Variants in KCNK17 observed in about 807,000 individuals in gnomAD.
KCNK17 encodes the protein potassium channel subfamily K member 17.
In KCNK17, 27 loss-of-function variants were observed where a neutral mutation model predicts 24.6. The observed-to-expected ratio is 1.10, with a 90% CI of 0.81 to 1.51. KCNK17 has a LOEUF of 1.51. Among genes scored for constraint, KCNK17 ranks in the 40% most tolerant of loss-of-function variants. The pLI is 0.00. For synonymous variants in KCNK17, 181 were observed against 189.8 expected (o/e 0.95, Z 0.38); for missense variants, 450 against 436.6 (o/e 1.03, Z -0.27).
In KCNK17 at chr6:39,310,957, G is replaced by C. The variant is rs1762123914; in HGVS notation, c.288C>G (p.Thr96=). The C allele has an allele frequency of 1.2e-6, 2 of 1,610,216 alleles. No individual in the cohort carries two copies. The highest frequency in any genetic ancestry group is 1.7e-5 in the Admixed American group (1 of 59,728). ...KNGASLLSNT[T]SMGRWELVGS... ...CCACGAGCTCCCAGCGCCCCATGCT[G>C]GTGGTGTTGCTGAGGAGGCTGGCTC... The change falls in exon 2 of 5, where the codon ACC becomes ACG. Residue 96 remains threonine (T), a synonymous_variant. Transcript: ENST00000373231.
chr6:39,308,691 C>T (rs1762077305), intron 2 of KCNK17, among the ~76,000 whole-genome samples: 1 of 152,242 alleles, frequency 6.6e-6, no homozygotes. Context: ...TCAGGCCTGT[C>T]CTACTGGCCC....
At chr6:39,302,176 T>C (rs1013901839) in intron 4 of KCNK17, among the ~76,000 whole-genome samples, 5 of 152,128 alleles carry the variant, frequency 3.3e-5, no homozygotes, top group African/African-American at 1.2e-4. Context: ...CAAGTCTCCA[T>C]AGATGTGGTG....
chr6:39,304,623 C>CA lies in KCNK17; in HGVS notation c.384dup (p.Ala129CysfsTer46), dbSNP rs1189813604. 6.2e-7 allele frequency: 1 copy of CA among 1,613,444 alleles called. No homozygotes were observed. On this transcript the variant is annotated frameshift_variant, in exon 3 of 5. Transcript: ENST00000373231. LOFTEE classifies it high-confidence loss of function. ...GCAAAGAAGATGCAGAAGAGGCGGG[C>CA]AGCCATCGTGTTGGGGCTCAGGTTG... is the stretch of plus-strand genomic sequence containing the variant.
intron 2 of KCNK17, among the ~76,000 whole-genome samples, chr6:39,305,717 A>G (rs758671514): frequency 1.2e-4 from 18 of 152,154 alleles, no homozygotes; most frequent in Non-Finnish European, 1.6e-4. Context: ...GGGAAAGTCC[A>G]AGCTCTTGCC....
intron 2 of KCNK17, among the ~76,000 whole-genome samples, chr6:39,309,859 T>A (rs1762099897): frequency 6.6e-6 from 1 of 152,220 alleles, no homozygotes; most frequent in Non-Finnish European, 1.5e-5. Context: ...ATCCTGCCAG[T>A]CCTTCAGGGG....
Position 39,299,538 on chromosome 6 carries a change from C to T in KCNK17, c.888G>A (p.Arg296=), listed in dbSNP as rs1349327552. 16 of 1,614,004 alleles carry T rather than the reference C, an allele frequency of 9.9e-6. No homozygotes were observed. Among genetic ancestry groups the T allele is most frequent in the East Asian group, 4.5e-5 (2 of 44,894 alleles). ...GCTGTGGGGAGTGGGACTCTGGCTCCCGGTCAGGTCCCTGTCTCCAGCTTT... is the reference window on the plus strand; with the variant it reads ...GCTGTGGGGAGTGGGACTCTGGCTCTCGGTCAGGTCCCTGTCTCCAGCTTT... ...KSQSWRQGPD[R]EPESHSPQQG... is the part of the protein sequence containing the mutation. Residue 296 remains arginine (R), a synonymous_variant, in exon 5 of 5, where the codon CGG becomes CGA. Coordinates refer to ENST00000373231, the MANE Select transcript of KCNK17 (RefSeq NM_031460.4).
At position 39,310,898 on chromosome 6, in the gene KCNK17, G is replaced by A. The variant is rs761621636; in HGVS notation, c.347C>T (p.Thr116Ile). 12 of 1,598,666 alleles carry A rather than the reference G, an allele frequency of 7.5e-6. No homozygotes were observed. Among genetic ancestry groups the A allele is most frequent in the Non-Finnish European group, 1.7e-6 (2 of 1,168,618 alleles). ...TGGCCCCATCTGGCCCTTACCAATG[G>A]TGGTGATGGTGGACACAGAAAAGAA... ...SFFFSVSTIT[T>I]IGYGNLSPNT... is the part of the protein sequence containing the mutation. Residue 116 changes from threonine to isoleucine, a missense_variant, in exon 2 of 5, where the codon ACC becomes ATC. Thr to Ile is a moderately conservative substitution (Grantham distance 89). Coordinates refer to ENST00000373231, the MANE Select transcript of KCNK17 (RefSeq NM_031460.4).
intron 4 of KCNK17, 152 bp from the exon 5 acceptor site, chr6:39,299,889 C>T (rs922032086): frequency 3.1e-5 from 24 of 781,418 alleles, no homozygotes; most frequent in African/African-American, 8.7e-5. Flanking sequence ...TGGTCACCTC[C>T]GAAGGATTCC....
In KCNK17 at chr6:39,311,022, G is replaced by A; in HGVS notation, c.238-15C>T. ...TGGACGACATCCTGGGGAAGAGGCTGCAATGACCACCAGGCTCTGTGGGGT... is the reference window on the plus strand; with the variant it reads ...TGGACGACATCCTGGGGAAGAGGCTACAATGACCACCAGGCTCTGTGGGGT... On this transcript the variant is annotated splice_polypyrimidine_tract_variant and intron_variant, in intron 1 of 4. Coordinates refer to ENST00000373231, the MANE Select transcript of KCNK17 (RefSeq NM_031460.4). The A allele has an allele frequency of 6.5e-7, 1 of 1,547,422 alleles. No individual in the cohort carries two copies. The highest frequency in any genetic ancestry group is 8.9e-7 in the Non-Finnish European group (1 of 1,126,640).
chr6:39,303,138 T>C (rs1441467476), intron 4 of KCNK17, among the ~76,000 whole-genome samples: 1 of 152,210 alleles, frequency 6.6e-6, no homozygotes. Flanking sequence ...AGGAGTTAGC[T>C]GAAACTAACT....
chr6:39,310,156 G>GC (rs1364708003), intron 2 of KCNK17, among the ~76,000 whole-genome samples: 1 of 152,172 alleles, frequency 6.6e-6, no homozygotes, highest in Non-Finnish European at 1.5e-5. Flanking sequence ...AGGAGTTGGG[G>GC]CAGAAGGATC....
At chr6:39,304,709 A>C (rs1165251605) in intron 2 of KCNK17, 54 bp from the exon 3 acceptor site, 17 of 1,572,862 alleles carry the variant, frequency 1.1e-5, no homozygotes, top group Non-Finnish European at 1.5e-5. Context: ...CTGTCCACTC[A>C]CCACCACAGC....
At chr6:39,311,650 C>T (rs1420833869) in intron 1 of KCNK17, among the ~76,000 whole-genome samples, 1 of 152,082 alleles carries the variant, frequency 6.6e-6, no homozygotes, top group Admixed American at 6.5e-5. Flanking sequence ...TGCTATATTG[C>T]CTATATGCAT....
intron 2 of KCNK17, among the ~76,000 whole-genome samples, chr6:39,309,056 T>TACA (rs1459264892): frequency 1.3e-5 from 2 of 152,226 alleles, no homozygotes; most frequent in Non-Finnish European, 2.9e-5. Context: ...CTGGACACAG[T>TACA]GGCTCACACC....
At chr6:39,303,729 A>T (rs1391834279) in intron 4 of KCNK17, among the ~76,000 whole-genome samples, 1 of 152,156 alleles carries the variant, frequency 6.6e-6, no homozygotes, top group African/African-American at 2.4e-5. Context: ...CTCTAAGCAC[A>T]ATAGGTGGGC....
At chr6:39,310,040 A>G (rs1456095499) in intron 2 of KCNK17, among the ~76,000 whole-genome samples, 1 of 152,168 alleles carries the variant, frequency 6.6e-6, no homozygotes, top group African/African-American at 2.4e-5. Flanking sequence ...AGGCTGGGAT[A>G]CTGGTGTCCT....
intron 2 of KCNK17, among the ~76,000 whole-genome samples, chr6:39,304,950 C>G (rs181368852): frequency 6.6e-6 from 1 of 152,356 alleles, no homozygotes; most frequent in Admixed American, 6.5e-5. Flanking sequence ...CTCAAACCCA[C>G]CAAATGTGAG....
intron 4 of KCNK17, chr6:39,300,297 T>C (rs1445388715): frequency 3.2e-6 from 2 of 616,008 alleles, no homozygotes; most frequent in East Asian, 6.0e-5. Flanking sequence ...TATTTTTTTG[T>C]ATTTTAGTAG....
chr6:39,312,621 C>T lies in KCNK17; in HGVS notation c.237+1463G>A, dbSNP rs141576163. On this transcript the variant is annotated intron_variant, in intron 1 of 4. Transcript: ENST00000373231. Reference sequence around the variant, plus strand: ...GTGAAACAGGATGATAAAAACAGTACCCACCTGTGAGGGAGGTGAGACAAA... The same window carrying T: ...GTGAAACAGGATGATAAAAACAGTATCCACCTGTGAGGGAGGTGAGACAAA... 9.4e-3 allele frequency among the ~76,000 whole-genome samples: 1,426 copies of T among 152,326 alleles called. 7 individuals carry two copies. Among genetic ancestry groups the T allele is most frequent in the Non-Finnish European group, 0.015 (1,016 of 68,030 alleles).
Sources: allele counts gnomAD v4.1 joint callset (sites outside exome capture counted in the v4.1 genomes callset), GRCh38; gene constraint gnomAD v4.1.1; transcripts MANE v1.5; gene names NCBI Gene and HGNC (gene_info 2026-07-23, HGNC 2026-07-21).